The following PDZRN4 variants were observed in gnomAD, a reference collection of about 807,000 sequenced individuals.
PDZRN4 encodes the protein PDZ domain containing ring finger 4.
Under a neutral mutation model 99.0 loss-of-function variants are expected in PDZRN4, and 70 were observed. The ratio of observed to expected loss-of-function variants is 0.71; its 90% CI spans 0.58 to 0.86. PDZRN4 has a LOEUF of 0.86. Among genes scored for constraint, PDZRN4 ranks in the 40% least tolerant of loss-of-function variants. The pLI, the probability that PDZRN4 is intolerant of heterozygous loss-of-function variation, is 0.00. For synonymous variants in PDZRN4, 551 were observed against 501.6 expected (o/e 1.10, Z -1.32); for missense variants, 1,474 against 1,331.2 (o/e 1.11, Z -1.67).
At chr12:41,541,516 C>G (rs1457149591) in intron 5 of PDZRN4, among the ~76,000 whole-genome samples, 3 of 149,372 alleles carry the variant, frequency 2.0e-5, no homozygotes, top group Non-Finnish European at 3.0e-5. Context: ...TGCAGTGGCT[C>G]AATTTCAGCT....
chr12:41,342,481 A>G, intron 3 of PDZRN4, among the ~76,000 whole-genome samples: 1 of 151,932 alleles, frequency 6.6e-6, no homozygotes, highest in East Asian at 1.9e-4. Flanking sequence ...CAGAATATAT[A>G]AAGAACTTAA....
intron 3 of PDZRN4, among the ~76,000 whole-genome samples, chr12:41,214,988 C>A (rs1485080647): frequency 1.3e-5 from 2 of 152,120 alleles, no homozygotes; most frequent in South Asian, 4.1e-4. Flanking sequence ...CTATAAAAAT[C>A]TGTGAGATAT....
chr12:41,328,197 T>G (rs1220645506), intron 3 of PDZRN4, among the ~76,000 whole-genome samples: 1 of 152,008 alleles, frequency 6.6e-6, no homozygotes, highest in Non-Finnish European at 1.5e-5. Flanking sequence ...TTGATCAGAG[T>G]CATTGACTTT....
chr12:41,402,168 ACACACTGAG>A (rs1952296389), intron 3 of PDZRN4, among the ~76,000 whole-genome samples: 1 of 105,778 alleles, frequency 9.5e-6, no homozygotes, highest in Non-Finnish European at 1.9e-5. Flanking sequence ...ATATATATAT[ACACACTGAG>A]TATATATATA....
intron 3 of PDZRN4, among the ~76,000 whole-genome samples, chr12:41,360,417 G>A (rs1246099554): frequency 6.6e-6 from 1 of 151,960 alleles, no homozygotes; most frequent in African/African-American, 2.4e-5. Context: ...TGGTGCTTTA[G>A]CTATTGCCTG....
chr12:41,233,380 C>T lies in PDZRN4; in HGVS notation c.843+39192C>T, dbSNP rs1398482280. ...TCAACCATTGTTGGAGTCAGTGTGGCGATTCCTCAGGGATCGAGAACCAGA... is the reference window on the plus strand; with the variant it reads ...TCAACCATTGTTGGAGTCAGTGTGGTGATTCCTCAGGGATCGAGAACCAGA... On this transcript the variant is annotated intron_variant, in intron 3 of 9. Coordinates refer to ENST00000402685, the MANE Select transcript of PDZRN4 (RefSeq NM_001164595.2). 5.9e-5 allele frequency among the ~76,000 whole-genome samples: 9 copies of T among 152,144 alleles called. No homozygotes were observed. The South Asian group carries it at 6.2e-4, about 11-fold the overall frequency.
At chr12:41,535,000 C>T (rs1286929681) in intron 5 of PDZRN4, among the ~76,000 whole-genome samples, 1 of 151,804 alleles carries the variant, frequency 6.6e-6, no homozygotes, top group East Asian at 1.9e-4. Flanking sequence ...GAGTAATTTC[C>T]CTCCTCAGGT....
intron 3 of PDZRN4, among the ~76,000 whole-genome samples, chr12:41,433,827 G>A (rs1293911748): frequency 1.3e-5 from 2 of 152,178 alleles, no homozygotes; most frequent in Non-Finnish European, 2.9e-5. Context: ...ATGAGACATA[G>A]GCACAGCCTC....
intron 3 of PDZRN4, among the ~76,000 whole-genome samples, chr12:41,291,577 C>T (rs1012592175): frequency 3.3e-4 from 50 of 152,180 alleles, no homozygotes; most frequent in African/African-American, 1.1e-3. Flanking sequence ...CATCCTAAGC[C>T]TCCCAAAGCC....
At chr12:41,451,432 T>C (rs1427029868) in intron 3 of PDZRN4, among the ~76,000 whole-genome samples, 2 of 152,148 alleles carry the variant, frequency 1.3e-5, no homozygotes, top group Admixed American at 6.5e-5. Context: ...TTACAAAAAG[T>C]TGGTGAAAGT....
chr12:41,556,293 G>T (rs1445925658), intron 7 of PDZRN4, among the ~76,000 whole-genome samples: 2 of 152,216 alleles, frequency 1.3e-5, no homozygotes, highest in African/African-American at 2.4e-5. Flanking sequence ...CTACAGTCAT[G>T]AGTCACTTAA....
At chr12:41,237,084 C>T (rs10506182) in intron 3 of PDZRN4, among the ~76,000 whole-genome samples, 102,227 of 151,834 alleles carry the variant, frequency 0.67, 34,544 homozygotes, top group South Asian at 0.73. Context: ...ACTTGCATCA[C>T]TGGAAAAATA....
At chr12:41,389,025 T>G (rs1306672031) in intron 3 of PDZRN4, among the ~76,000 whole-genome samples, 2 of 152,172 alleles carry the variant, frequency 1.3e-5, no homozygotes, top group Non-Finnish European at 2.9e-5. Context: ...TTGGCTGTGA[T>G]GGCTGAGATA....
intron 3 of PDZRN4, among the ~76,000 whole-genome samples, chr12:41,493,576 A>G (rs1255093046): frequency 6.6e-6 from 1 of 152,030 alleles, no homozygotes; most frequent in Non-Finnish European, 1.5e-5. Context: ...TGCCGCCCCA[A>G]ATATTATTGT....
chr12:41,263,036 A>T (rs2120836544), intron 3 of PDZRN4, among the ~76,000 whole-genome samples: 1 of 152,224 alleles, frequency 6.6e-6, no homozygotes, highest in South Asian at 2.1e-4. Context: ...CATGGTATAG[A>T]TTACCTCATG....
chr12:41,253,523 C>G (rs950673543), intron 3 of PDZRN4, among the ~76,000 whole-genome samples: 1 of 152,136 alleles, frequency 6.6e-6, no homozygotes, highest in South Asian at 2.1e-4. Flanking sequence ...GAAAGGGGAA[C>G]CCCCATTACT....
chr12:41,572,431 A>C lies in PDZRN4; in HGVS notation c.1652A>C (p.Lys551Thr). The change falls in exon 10 of 10, where the codon AAG becomes ACG. Residue 551 changes from lysine to threonine, a missense_variant. By Grantham distance (78) the Lys-to-Thr change is moderately conservative. Coordinates refer to ENST00000402685, the MANE Select transcript of PDZRN4 (RefSeq NM_001164595.2). ...TATSSSNNHE[K>T]DSGVGRTDES... ...ACATCCTCATCCAACAACCATGAGA[A>C]GGACAGTGGAGTAGGACGTACAGAT... The C allele has an allele frequency of 6.2e-6, 10 of 1,614,144 alleles. No individual in the cohort carries two copies. The highest frequency in any genetic ancestry group is 8.5e-6 in the Non-Finnish European group (10 of 1,179,984).
Position 41,280,384 on chromosome 12 carries a change from A to G in PDZRN4, c.843+86196A>G, listed in dbSNP as rs567338244. Among the ~76,000 whole-genome samples the G allele has an allele frequency of 4.6e-5, 7 of 152,238 alleles. No individual in the cohort carries two copies. The South Asian group carries it at 1.5e-3, about 32-fold the overall frequency. On this transcript the variant is annotated intron_variant, in intron 3 of 9. Transcript: ENST00000402685. ...GACAGACCCGTTTACTCCCCTGGAA[A>G]GGGAGCTGAAGCCAGGGAGCCAAGT...
chr12:41,361,623 A>G (rs1436394841), intron 3 of PDZRN4, among the ~76,000 whole-genome samples: 3 of 152,078 alleles, frequency 2.0e-5, no homozygotes, highest in Non-Finnish European at 2.9e-5. Flanking sequence ...GTAGACATAA[A>G]TGACATCCCA....
Sources: gnomAD v4.1 joint callset for allele counts (sites outside exome capture counted in the v4.1 genomes callset) on GRCh38, gnomAD v4.1.1 for gene constraint, MANE v1.5 for transcripts, NCBI Gene and HGNC (gene_info 2026-07-23, HGNC 2026-07-21) for gene names.